The following CUX2 variants were observed in gnomAD, a reference collection of about 807,000 sequenced individuals.
The protein encoded by CUX2 is cut like homeobox 2.
A neutral mutation model predicts 144.8 loss-of-function variants in CUX2; 40 were observed. The observed-to-expected ratio is 0.28, with a 90% CI of 0.21 to 0.36. CUX2 has a LOEUF of 0.36. Among genes scored for constraint, CUX2 ranks in the 10% least tolerant of loss-of-function variants. The pLI, the probability that CUX2 is intolerant of heterozygous loss-of-function variation, is 1.00. For missense variants in CUX2, 1,615 were observed against 1,994.0 expected, an observed-to-expected ratio of 0.81 and a Z score of 3.62; for synonymous variants, 827 against 875.6, an observed-to-expected ratio of 0.94 and a Z score of 0.98.
Position 111,160,399 on chromosome 12 carries a change from G to A in CUX2, c.64-53801G>A, listed in dbSNP as rs1033229000. Among the ~76,000 whole-genome samples the A allele has an allele frequency of 6.6e-6, 1 of 152,156 alleles. No homozygotes were observed. The highest frequency in any genetic ancestry group is 6.5e-5 in the Admixed American group (1 of 15,276). ...AGCATGTGTGTGCGGGCATCTGGGC[G>A]TATTCGGGACGTGTGTGTAGTGCAG... On this transcript the variant is annotated intron_variant, in intron 1 of 21. Transcript: ENST00000261726. This position sits in a 1 kb window ranked among gnomAD's most constrained non-coding sequence, Gnocchi z 4.1.
At chr12:111,120,454 G>T (rs1274177943) in intron 1 of CUX2, among the ~76,000 whole-genome samples, 1 of 152,046 alleles carries the variant, frequency 6.6e-6, no homozygotes, top group Non-Finnish European at 1.5e-5. Flanking sequence ...GTGGACATCA[G>T]AATTCCTGAG....
intron 1 of CUX2, among the ~76,000 whole-genome samples, chr12:111,188,677 G>T (rs1879701477): frequency 6.6e-6 from 1 of 152,144 alleles, no homozygotes; most frequent in Non-Finnish European, 1.5e-5. Context: ...GCGGGGCCAG[G>T]TCACACTCAG....
chr12:111,291,388 C>T, intron 4 of CUX2, 30 bp from the exon 5 acceptor site: 1 of 1,577,090 alleles, frequency 6.3e-7, no homozygotes. Flanking sequence ...ATCAGGCCCT[C>T]ACTATCCCTG....
chr12:111,141,234 A>G (rs1321007733), intron 1 of CUX2, among the ~76,000 whole-genome samples: 4 of 151,902 alleles, frequency 2.6e-5, no homozygotes, highest in Non-Finnish European at 5.9e-5. Flanking sequence ...GTCAACACAC[A>G]CACACACACA....
chr12:111,328,063 CAATAAT>C (rs368436750), intron 18 of CUX2, among the ~76,000 whole-genome samples: 1 of 152,014 alleles, frequency 6.6e-6, no homozygotes. Flanking sequence ...GTCTCAAAAA[CAATAAT>C]AATAATGATG....
At chr12:111,267,692 G>T (rs1312111532) in intron 4 of CUX2, among the ~76,000 whole-genome samples, 1 of 152,150 alleles carries the variant, frequency 6.6e-6, no homozygotes, top group Non-Finnish European at 1.5e-5. Flanking sequence ...TTCTCTGAAG[G>T]CTCAGGGGAG....
chr12:111,170,324 G>C (rs547680193), intron 1 of CUX2, among the ~76,000 whole-genome samples: 2 of 151,986 alleles, frequency 1.3e-5, no homozygotes, highest in East Asian at 3.9e-4. Flanking sequence ...AGCTACTCGG[G>C]AAGTTGAGGC....
chr12:111,278,988 G>A (rs1885003961), intron 4 of CUX2, among the ~76,000 whole-genome samples: 1 of 152,200 alleles, frequency 6.6e-6, no homozygotes, highest in South Asian at 2.1e-4. Context: ...GCCAGATAGG[G>A]AAGGTGGGAA....
intron 1 of CUX2, among the ~76,000 whole-genome samples, chr12:111,212,886 C>T (rs1028684668): frequency 2.6e-5 from 4 of 152,260 alleles, no homozygotes; most frequent in Non-Finnish European, 4.4e-5. Flanking sequence ...CCATGCATTT[C>T]GTCTCTTAGA....
intron 1 of CUX2, among the ~76,000 whole-genome samples, chr12:111,180,359 G>A (rs1343887028): frequency 6.6e-6 from 1 of 152,078 alleles, no homozygotes; most frequent in African/African-American, 2.4e-5. Context: ...CCAATTCCAC[G>A]GACCCTTAAG....
intron 3 of CUX2, among the ~76,000 whole-genome samples, chr12:111,242,460 A>G (rs895361065): frequency 3.3e-5 from 5 of 152,212 alleles, no homozygotes; most frequent in African/African-American, 1.2e-4. Context: ...TGGCCTGAAA[A>G]GCTGAAAATA....
At chr12:111,167,527 G>A (rs1435251583) in intron 1 of CUX2, among the ~76,000 whole-genome samples, 3 of 152,202 alleles carry the variant, frequency 2.0e-5, no homozygotes, top group East Asian at 1.9e-4. Flanking sequence ...AGAAGGGACC[G>A]AGTCACTTCA....
chr12:111,120,247 G>A (rs1874566392), intron 1 of CUX2, among the ~76,000 whole-genome samples: 1 of 151,922 alleles, frequency 6.6e-6, no homozygotes. Context: ...TGTTGTGCCC[G>A]GGGTACAACA....
intron 1 of CUX2, among the ~76,000 whole-genome samples, chr12:111,172,043 G>A (rs895977253): frequency 2.0e-5 from 3 of 151,618 alleles, no homozygotes; most frequent in Non-Finnish European, 2.9e-5. Context: ...CTGTGCCTGC[G>A]TATACATGTG....
chr12:111,273,583 T>G (rs530490071), intron 4 of CUX2, among the ~76,000 whole-genome samples: 1 of 152,196 alleles, frequency 6.6e-6, no homozygotes, highest in Non-Finnish European at 1.5e-5. Context: ...GATTGAAAAG[T>G]TCCAGGCTGG....
chr12:111,138,400 G>A (rs1240729136), intron 1 of CUX2, among the ~76,000 whole-genome samples: 1 of 152,108 alleles, frequency 6.6e-6, no homozygotes, highest in African/African-American at 2.4e-5. Context: ...GTGGAGGAGA[G>A]GGGAAAACAT....
chr12:111,145,019 ATCT>A (rs1397351229), intron 1 of CUX2, among the ~76,000 whole-genome samples: 2 of 152,150 alleles, frequency 1.3e-5, no homozygotes, highest in Non-Finnish European at 2.9e-5. Flanking sequence ...CTTGGCCTCC[ATCT>A]TCTTTCATCT....
intron 4 of CUX2, among the ~76,000 whole-genome samples, chr12:111,283,990 CTCCCTCCTCCT>C (rs1290642664): frequency 1.3e-5 from 2 of 152,138 alleles, no homozygotes; most frequent in African/African-American, 2.4e-5. Flanking sequence ...CTGTCCAATC[CTCCCTCCTCCT>C]TCCCTCCTTT....
At chr12:111,155,412 T>A (rs1421372831) in intron 1 of CUX2, among the ~76,000 whole-genome samples, 1 of 152,240 alleles carries the variant, frequency 6.6e-6, no homozygotes, top group Non-Finnish European at 1.5e-5. Flanking sequence ...TGCTCTTTCT[T>A]TGAAAAGCTT....
Sources: allele counts gnomAD v4.1 joint callset (sites outside exome capture counted in the v4.1 genomes callset), GRCh38; gene constraint gnomAD v4.1.1; non-coding constraint Gnocchi (gnomAD v3.1); transcripts MANE v1.5; gene names NCBI Gene and HGNC (gene_info 2026-07-23, HGNC 2026-07-21).